SMIM21: variants seen among roughly 807,000 people sequenced by gnomAD.
SMIM21 encodes small integral membrane protein 21, also known as chromosome 18 open reading frame 62.
Under a neutral mutation model 8.6 loss-of-function variants are expected in SMIM21, and 8 were observed. The ratio of observed to expected loss-of-function variants is 0.93; its 90% CI spans 0.55 to 1.68. SMIM21 has a LOEUF of 1.68. Ranked by LOEUF, SMIM21 falls within the 40% of genes most tolerant of loss-of-function variation. The probability of loss-of-function intolerance (pLI) is 0.00; values close to 1 mark genes in which losing one functional copy is unlikely to be tolerated. For missense variants in SMIM21, 132 were observed against 123.0 expected (o/e 1.07, Z -0.35); for synonymous variants, 43 against 41.7 (o/e 1.03, Z -0.12).
In SMIM21 at chr18:75,410,701, A is replaced by G; in HGVS notation, c.*163T>C. ...CCTCAAGAACAAAGCAGACATTATC[A>G]TTGCAAAAAGTTACACGTTCTTCAT... On this transcript the variant is annotated 3_prime_UTR_variant, in exon 3 of 3. Transcript: ENST00000579022. 1 of 1,433,686 alleles carries G rather than the reference A, an allele frequency of 7.0e-7. No homozygotes were observed. Among genetic ancestry groups the G allele is most frequent in the Non-Finnish European group, 9.1e-7 (1 of 1,098,252 alleles). The allele number at this position is 1,433,686 out of a possible 1,614,324, so 88.8% of individuals were successfully genotyped here.
At chr18:75,412,778 A>G (rs2024597420) in intron 2 of SMIM21, among the ~76,000 whole-genome samples, 1 of 152,184 alleles carries the variant, frequency 6.6e-6, no homozygotes, top group Non-Finnish European at 1.5e-5. Context: ...CTATAGGTTT[A>G]CAGAACCCCC....
intron 2 of SMIM21, chr18:75,418,252 G>A (rs879052533): frequency 3.8e-5 from 15 of 398,060 alleles, no homozygotes; most frequent in East Asian, 1.4e-4. Flanking sequence ...CTCTGAAAAC[G>A]TTTCCAGCCA....
intron 1 of SMIM21, among the ~76,000 whole-genome samples, chr18:75,426,124 C>T (rs1173197606): frequency 4.6e-5 from 7 of 152,038 alleles, no homozygotes; most frequent in Non-Finnish European, 4.4e-5. Flanking sequence ...CATCATGTAC[C>T]TAAGATTCTA....
At chr18:75,416,135 A>G (rs1372856852) in intron 2 of SMIM21, 3 of 152,246 alleles carry the variant, frequency 2.0e-5, no homozygotes, top group Admixed American at 2.0e-4. Flanking sequence ...AAATGTTTGT[A>G]GCAGTTGGTT....
intron 1 of SMIM21, among the ~76,000 whole-genome samples, chr18:75,422,103 C>T (rs908527417): frequency 1.3e-5 from 2 of 152,132 alleles, no homozygotes; most frequent in African/African-American, 4.8e-5. Flanking sequence ...CCAGCCAAAG[C>T]CGCCCACCCA....
At chr18:75,412,042 T>A (rs2024590159) in intron 2 of SMIM21, among the ~76,000 whole-genome samples, 1 of 152,220 alleles carries the variant, frequency 6.6e-6, no homozygotes. Context: ...GTTCTGCTGC[T>A]ACACACTGAG....
chr18:75,426,631 T>TAAAAA lies in SMIM21; in HGVS notation c.129+799_129+803dup, dbSNP rs777676195. Among the ~76,000 whole-genome samples the TAAAAA allele has an allele frequency of 4.6e-4, 41 of 89,234 alleles. 1 individual carries two copies. The highest frequency in any genetic ancestry group is 6.2e-4 in the Non-Finnish European group (30 of 48,112). The allele number at this position is 89,234 out of a possible 152,430, so 58.5% of individuals were successfully genotyped here. ...GCCCTAGACCATTACTTTTAAAATG[T>TAAAAA]AAAAAAAAAAAAAAAAAAAAAAAAA... On this transcript the variant is annotated intron_variant, in intron 1 of 2. Transcript: ENST00000579022.
chr18:75,413,512 A>G (rs538623677), intron 2 of SMIM21, among the ~76,000 whole-genome samples: 3 of 152,184 alleles, frequency 2.0e-5, no homozygotes, highest in Non-Finnish European at 4.4e-5. Context: ...CAGAGATCCA[A>G]TGTCTGTACT....
At chr18:75,420,683 C>T (rs11661148) in intron 1 of SMIM21, among the ~76,000 whole-genome samples, 110,112 of 152,078 alleles carry the variant, frequency 0.72, 40,314 homozygotes, top group East Asian at 0.99. Flanking sequence ...CTCAATTCTT[C>T]CTTTACTGCT....
rs3214645 is a variant in SMIM21 at position 75,418,698 on chromosome 18, G to GTTT, written c.260+85_260+87dup. 9.2e-3 allele frequency: 10,689 copies of GTTT among 1,165,866 alleles called. 15 individuals carry two copies. Among genetic ancestry groups the GTTT allele is most frequent in the Non-Finnish European group, 0.01 (8,692 of 862,250 alleles). 72.2% of individuals were successfully genotyped at this position (1,165,866 alleles called of 1,614,324 possible). ...GATTGATTGCTTGATGAATGTTCTA[G>GTTT]TTTTTTTTTAACTGCTAAGGTTATC... is the stretch of plus-strand genomic sequence containing the variant. On this transcript the variant is annotated intron_variant, in intron 2 of 2. Coordinates refer to ENST00000579022, the MANE Select transcript of SMIM21 (RefSeq NM_001037331.3).
intron 2 of SMIM21, among the ~76,000 whole-genome samples, chr18:75,418,538 A>G (rs1007663345): frequency 6.6e-6 from 1 of 152,232 alleles, no homozygotes; most frequent in Non-Finnish European, 1.5e-5. Flanking sequence ...TCGCTGCAGT[A>G]TACATGGCTC....
At chr18:75,426,574 G>A (rs1326381648) in intron 1 of SMIM21, among the ~76,000 whole-genome samples, 5 of 135,338 alleles carry the variant, frequency 3.7e-5, no homozygotes, top group Non-Finnish European at 6.1e-5. Flanking sequence ...CTCCCAAAGT[G>A]CTGAGATTAC....
In SMIM21 at chr18:75,410,837, G is replaced by T. The variant is rs1335258544; in HGVS notation, c.*27C>A. 6.2e-7 allele frequency: 1 copy of T among 1,613,904 alleles called. No homozygotes were observed. Among genetic ancestry groups the T allele is most frequent in the Non-Finnish European group, 8.5e-7 (1 of 1,179,944 alleles). On this transcript the variant is annotated 3_prime_UTR_variant, in exon 3 of 3. Transcript: ENST00000579022. ...GAGCAGGGGAAATCCATGGTATGAA[G>T]GCCATGAGAGAGAAACGTAGTGTCA...
At chr18:75,411,774 T>A (rs2024587316) in intron 2 of SMIM21, among the ~76,000 whole-genome samples, 1 of 152,210 alleles carries the variant, frequency 6.6e-6, no homozygotes, top group South Asian at 2.1e-4. Context: ...TAGGTGGAGG[T>A]TAGCAATTTT....
At chr18:75,418,988 ACT>A (rs2024681702) in intron 1 of SMIM21, 72 bp from the exon 2 acceptor site, 37 of 879,538 alleles carry the variant, frequency 4.2e-5, no homozygotes, top group Middle Eastern at 2.5e-4. Flanking sequence ...CAAGCAGCTA[ACT>A]CTTTGTCAAA....
At chr18:75,419,870 C>T (rs986489400) in intron 1 of SMIM21, among the ~76,000 whole-genome samples, 7 of 152,108 alleles carry the variant, frequency 4.6e-5, no homozygotes, top group Admixed American at 1.3e-4. Context: ...ATTGTGTGCA[C>T]AGGGAAGGAC....
chr18:75,410,928 G>A lies in SMIM21; in HGVS notation c.261-19C>T. 1 of 1,612,420 alleles carries A rather than the reference G, an allele frequency of 6.2e-7. No homozygotes were observed. The highest frequency in any genetic ancestry group is 8.5e-7 in the Non-Finnish European group (1 of 1,179,276). On this transcript the variant is annotated intron_variant, in intron 2 of 2. Coordinates refer to ENST00000579022, the MANE Select transcript of SMIM21 (RefSeq NM_001037331.3). ...TAGAAAGCTGCAAGAGACAAAAGGG[G>A]GAAAAAGCATTTTATTTTTTTGATA...
chr18:75,414,545 C>T (rs2024623736), intron 2 of SMIM21, among the ~76,000 whole-genome samples: 1 of 152,148 alleles, frequency 6.6e-6, no homozygotes, highest in African/African-American at 2.4e-5. Context: ...CCCTGCATTA[C>T]CTCTGGGGCC....
At chr18:75,417,693 A>G (rs1281260826) in intron 2 of SMIM21, 1 of 152,312 alleles carries the variant, frequency 6.6e-6, no homozygotes, top group Non-Finnish European at 1.5e-5. Context: ...AGGTGCTTCC[A>G]GGCCTGCCCT....
Sources: gnomAD v4.1 joint callset for allele counts (sites outside exome capture counted in the v4.1 genomes callset) on GRCh38, gnomAD v4.1.1 for gene constraint, MANE v1.5 for transcripts, NCBI Gene and HGNC (gene_info 2026-07-23, HGNC 2026-07-21) for gene names.